Variants in ARHGAP6 observed in about 807,000 individuals in gnomAD.
ARHGAP6 encodes the protein Rho GTPase activating protein 6, also known as rho GTPase-activating protein 6.
A neutral mutation model predicts 55.7 loss-of-function variants in ARHGAP6; 16 were observed. The observed-to-expected ratio is 0.29, with a 90% CI of 0.19 to 0.44. The LOEUF (loss-of-function observed/expected upper bound fraction) is 0.44. Among genes scored for constraint, ARHGAP6 ranks in the 20% least tolerant of loss-of-function variants. ARHGAP6 has a pLI of 1.00. For missense variants in ARHGAP6, 698 were observed against 808.9 expected, an observed-to-expected ratio of 0.86 and a Z score of 1.66; for synonymous variants, 382 against 360.9, an observed-to-expected ratio of 1.06 and a Z score of -0.66.
chrX:11,200,869 AG>A (rs1195663468), intron 2 of ARHGAP6, among the ~76,000 whole-genome samples: 1 of 112,365 alleles, frequency 8.9e-6, no homozygotes, highest in Non-Finnish European at 1.9e-5. Context: ...AATTAATTCT[AG>A]AGATAATAAT....
rs61386468 is a variant in ARHGAP6 at position 11,594,297 on chromosome X, A to G, written c.588+69944T>C. On this transcript the variant is annotated intron_variant, in intron 1 of 12. Coordinates refer to ENST00000337414, the MANE Select transcript of ARHGAP6 (RefSeq NM_013427.3). ...TTTTCATCACTCCACTATTGACCCT[A>G]CAGGTCTCAGTTCAGCAGAGAAGTC... is the stretch of plus-strand genomic sequence containing the variant. Among the ~76,000 whole-genome samples, 743 of 102,237 alleles carry G rather than the reference A, an allele frequency of 7.3e-3. 9 individuals are homozygous for G. Among genetic ancestry groups the G allele is most frequent in the African/African-American group, 0.026 (717 of 27,509 alleles). 88.8% of individuals were successfully genotyped at this position (102,237 alleles called of 115,157 possible). A position where few individuals can be genotyped will look rare whatever the true frequency, so the allele number is the denominator to read the frequency against.
intron 10 of ARHGAP6, among the ~76,000 whole-genome samples, chrX:11,155,607 G>T (rs191650817): frequency 8.9e-6 from 1 of 111,942 alleles, no homozygotes; most frequent in African/African-American, 3.2e-5. Context: ...GCTTATCATT[G>T]GTTATAAGAT....
intron 1 of ARHGAP6, among the ~76,000 whole-genome samples, chrX:11,628,984 C>CGTGTGTGTGTGT (rs55999982): frequency 2.0e-5 from 2 of 101,455 alleles, no homozygotes; most frequent in Non-Finnish European, 4.0e-5. Flanking sequence ...GCTTCAGATA[C>CGTGTGTGTGTGT]GTGTGTGTGT....
intron 1 of ARHGAP6, among the ~76,000 whole-genome samples, chrX:11,356,399 TGCACATGTATCCCAGAACTTAAA>T (rs922774650): frequency 1.8e-5 from 2 of 111,789 alleles, no homozygotes; most frequent in Non-Finnish European, 3.8e-5. Context: ...CTGCACATTC[TGCACATGTATCCCAGAACTTAAA>T]GCAAAATAAC....
intron 8 of ARHGAP6, among the ~76,000 whole-genome samples, chrX:11,174,604 CTT>C (rs1412493792): frequency 1.2e-5 from 1 of 83,500 alleles, no homozygotes; most frequent in African/African-American, 4.3e-5. Flanking sequence ...TTCTTTCTTT[CTT>C]TCTTTCTTTC....
chrX:11,433,754 A>T (rs1028705591), intron 1 of ARHGAP6, among the ~76,000 whole-genome samples: 2 of 112,446 alleles, frequency 1.8e-5, no homozygotes, highest in African/African-American at 3.2e-5. Context: ...CACCTACATC[A>T]CAGGCTCAAC....
Position 11,320,758 on chromosome X carries a change from T to C in ARHGAP6, c.589-66051A>G, listed in dbSNP as rs1035635373. On this transcript the variant is annotated intron_variant, in intron 1 of 12. Coordinates refer to ENST00000337414, the MANE Select transcript of ARHGAP6 (RefSeq NM_013427.3). ...TGTGTTTTGCTCAATTCAAAGAAAA[T>C]ATCTCTTTACACACACACACACACA... Among the ~76,000 whole-genome samples, 3 of 85,214 alleles carry C rather than the reference T, an allele frequency of 3.5e-5. No individual in the cohort carries two copies. The Admixed American group carries it at 4.3e-4, about 12-fold the overall frequency. The allele number at this position is 85,214 out of a possible 115,157, so 74.0% of individuals were successfully genotyped here. A position where few individuals can be genotyped will look rare whatever the true frequency, so the allele number is the denominator to read the frequency against.
At chrX:11,305,433 T>C (rs1369175854) in intron 1 of ARHGAP6, among the ~76,000 whole-genome samples, 1 of 112,285 alleles carries the variant, frequency 8.9e-6, no homozygotes, top group African/African-American at 3.2e-5. Context: ...GAATAGTTAT[T>C]TGCTTCTTCA....
chrX:11,434,857 T>G (rs1488353154), intron 1 of ARHGAP6, among the ~76,000 whole-genome samples: 1 of 111,537 alleles, frequency 9.0e-6, no homozygotes, highest in East Asian at 2.8e-4. Context: ...GAGTTCCAGA[T>G]CCCCCAGGAA....
chrX:11,479,920 C>T (rs907048800), intron 1 of ARHGAP6, among the ~76,000 whole-genome samples: 1 of 111,334 alleles, frequency 9.0e-6, no homozygotes, highest in Non-Finnish European at 1.9e-5. Context: ...TTTGGCTCCA[C>T]AAAAAGCCTT....
intron 1 of ARHGAP6, among the ~76,000 whole-genome samples, chrX:11,272,995 A>G (rs2047710117): frequency 8.9e-6 from 1 of 111,796 alleles, no homozygotes. Flanking sequence ...TGCTCTGTAA[A>G]GTGGAGATAA....
intron 1 of ARHGAP6, among the ~76,000 whole-genome samples, chrX:11,350,818 G>C (rs1308892822): frequency 9.0e-6 from 1 of 111,253 alleles, no homozygotes; most frequent in Non-Finnish European, 1.9e-5. Context: ...TTTTCAGGTT[G>C]CTGGTCAGTC....
intron 1 of ARHGAP6, among the ~76,000 whole-genome samples, chrX:11,516,935 A>G (rs184244448): frequency 9.0e-6 from 1 of 111,317 alleles, no homozygotes; most frequent in Non-Finnish European, 1.9e-5. Context: ...GCCCCTATTC[A>G]CTTTCACAGC....
intron 9 of ARHGAP6, among the ~76,000 whole-genome samples, chrX:11,161,504 A>G (rs766348233): frequency 5.4e-5 from 6 of 111,504 alleles, no homozygotes; most frequent in East Asian, 5.6e-4. Flanking sequence ...GGACACATCA[A>G]TCACCTTCTT....
At chrX:11,625,357 C>G in intron 1 of ARHGAP6, among the ~76,000 whole-genome samples, 1 of 110,057 alleles carries the variant, frequency 9.1e-6, no homozygotes, top group Non-Finnish European at 1.9e-5. Context: ...GAATATTATT[C>G]AGTCATAAAA....
At chrX:11,337,071 T>A (rs1201811398) in intron 1 of ARHGAP6, among the ~76,000 whole-genome samples, 2 of 110,617 alleles carry the variant, frequency 1.8e-5, no homozygotes, top group Admixed American at 9.6e-5. Flanking sequence ...TTTAATGGGT[T>A]CCGAGATTGC....
At chrX:11,186,980 G>C (rs957278109) in intron 4 of ARHGAP6, among the ~76,000 whole-genome samples, 2 of 111,118 alleles carry the variant, frequency 1.8e-5, no homozygotes, top group Non-Finnish European at 3.8e-5. Flanking sequence ...AGCTGATGAA[G>C]GGAGCATTAT....
At chrX:11,164,892 T>C (rs377182026) in intron 9 of ARHGAP6, among the ~76,000 whole-genome samples, 3 of 112,698 alleles carry the variant, frequency 2.7e-5, no homozygotes, top group Middle Eastern at 4.2e-3. Context: ...ATTCCCAATA[T>C]TAGTTACAGA....
chrX:11,179,164 C>G, intron 7 of ARHGAP6, 138 bp downstream of exon 7: 2 of 590,427 alleles, frequency 3.4e-6, no homozygotes, highest in Non-Finnish European at 5.0e-6. Flanking sequence ...TGAGAAATTC[C>G]CTCAAATAGC....
Sources: gnomAD v4.1 joint callset for allele counts (sites outside exome capture counted in the v4.1 genomes callset) on GRCh38, gnomAD v4.1.1 for gene constraint, MANE v1.5 for transcripts, NCBI Gene and HGNC (gene_info 2026-07-23, HGNC 2026-07-21) for gene names.